Variants in APBB1IP observed in about 807,000 individuals in gnomAD.
The protein encoded by APBB1IP is amyloid beta precursor protein binding family B member 1 interacting protein.
A neutral mutation model predicts 64.9 loss-of-function variants in APBB1IP; 27 were observed. The ratio of observed to expected loss-of-function variants is 0.42; its 90% CI spans 0.31 to 0.57. APBB1IP has a LOEUF of 0.57. Ranked by LOEUF, APBB1IP falls within the 20% of genes least tolerant of loss-of-function variation. APBB1IP has a pLI of 0.20. For synonymous variants in APBB1IP, 392 were observed against 331.0 expected, an observed-to-expected ratio of 1.18 and a Z score of -2.00; for missense variants, 812 against 845.5, an observed-to-expected ratio of 0.96 and a Z score of 0.49.
At position 26,567,269 on chromosome 10, in the gene APBB1IP, G is replaced by A. The variant is rs1180835055; in HGVS notation, c.1782G>A (p.Ala594=). The stretch of plus-strand genomic sequence containing the variant: ...CCCCGCCGTCGTACGCAGGGATCGC[G>A]GGCTCAGAGCTGCCCCCGCCGCCGC... ...PPPPPSYAGI[A]GSELPPPPPP... is the part of the protein sequence containing the mutation. Residue 594 remains alanine, a synonymous_variant, in exon 15 of 15, where the codon GCG becomes GCA. Transcript: ENST00000376236. 10 of 1,256,772 alleles carry A rather than the reference G, an allele frequency of 8.0e-6. No individual in the cohort carries two copies. Among genetic ancestry groups the A allele is most frequent in the Non-Finnish European group, 9.0e-6 (9 of 998,014 alleles). 77.9% of individuals were successfully genotyped at this position (1,256,772 alleles called of 1,614,324 possible). A position where few individuals can be genotyped will look rare whatever the true frequency, so the allele number is the denominator to read the frequency against.
At chr10:26,487,890 TA>T (rs1835911252) in intron 2 of APBB1IP, among the ~76,000 whole-genome samples, 1 of 152,234 alleles carries the variant, frequency 6.6e-6, no homozygotes, top group South Asian at 2.1e-4. Context: ...CCTATAAGCT[TA>T]TTGTAATGCT....
chr10:26,538,946 A>G (rs1363412871), intron 10 of APBB1IP, among the ~76,000 whole-genome samples: 1 of 152,242 alleles, frequency 6.6e-6, no homozygotes, highest in African/African-American at 2.4e-5. Flanking sequence ...GAGAAGTTAA[A>G]GTTGGAATTT....
intron 8 of APBB1IP, among the ~76,000 whole-genome samples, chr10:26,524,471 T>C (rs768049730): frequency 1.3e-5 from 2 of 152,148 alleles, no homozygotes; most frequent in Non-Finnish European, 2.9e-5. Flanking sequence ...ATACGAGTGA[T>C]TGAGCTCAAA....
chr10:26,475,469 G>A (rs924351285), intron 2 of APBB1IP, among the ~76,000 whole-genome samples: 16 of 152,142 alleles, frequency 1.1e-4, no homozygotes, highest in African/African-American at 3.9e-4. Context: ...CAGATGTGCT[G>A]TGTGTGTCTA....
chr10:26,554,247 T>A (rs1836867169), intron 11 of APBB1IP, among the ~76,000 whole-genome samples: 2 of 152,220 alleles, frequency 1.3e-5, no homozygotes, highest in South Asian at 2.1e-4. Context: ...GGTAACTAGA[T>A]AACTTCACAG....
At chr10:26,446,890 A>AT (rs1491204826) in intron 2 of APBB1IP, among the ~76,000 whole-genome samples, 3,385 of 137,474 alleles carry the variant, frequency 0.025, 92 homozygotes, top group Admixed American at 0.081. Context: ...AGATAGATAG[A>AT]AATAGATAGA....
chr10:26,463,605 A>T (rs1243005512), intron 2 of APBB1IP, among the ~76,000 whole-genome samples: 1 of 152,032 alleles, frequency 6.6e-6, no homozygotes, highest in African/African-American at 2.4e-5. Context: ...TTGGCTCAAG[A>T]CCCACCTTTG....
At chr10:26,549,931 A>G (rs1454769532) in intron 11 of APBB1IP, among the ~76,000 whole-genome samples, 1 of 151,618 alleles carries the variant, frequency 6.6e-6, no homozygotes, top group East Asian at 1.9e-4. Context: ...CTTGAGATGC[A>G]TCATTAGATT....
At chr10:26,468,264 T>G (rs1835671110) in intron 2 of APBB1IP, among the ~76,000 whole-genome samples, 1 of 152,262 alleles carries the variant, frequency 6.6e-6, no homozygotes, top group Non-Finnish European at 1.5e-5. Context: ...ATTATTTTAT[T>G]TATTCCTTTT....
chr10:26,512,570 A>G (rs1373705847), intron 7 of APBB1IP, among the ~76,000 whole-genome samples: 3 of 152,148 alleles, frequency 2.0e-5, no homozygotes, highest in African/African-American at 7.2e-5. Context: ...AAAAGTGGAA[A>G]AAAAGGTTAA....
intron 2 of APBB1IP, among the ~76,000 whole-genome samples, chr10:26,475,124 C>CT (rs757288624): frequency 0.012 from 1,638 of 138,124 alleles, 24 homozygotes; most frequent in African/African-American, 0.031. Flanking sequence ...TTTTTCTTTT[C>CT]TTTTTTTTTT....
In APBB1IP at chr10:26,567,626, G is replaced by A; in HGVS notation, c.*138G>A. On this transcript the variant is annotated 3_prime_UTR_variant, in exon 15 of 15. Transcript: ENST00000376236. ...CTTCTCACTGATGTGCTCAAGTACA[G>A]GCATAACCATTAACCCAGTAGAGTT... The A allele has an allele frequency of 7.0e-7, 1 of 1,425,486 alleles. No homozygotes were observed. Among genetic ancestry groups the A allele is most frequent in the South Asian group, 1.2e-5 (1 of 82,428 alleles). The allele number at this position is 1,425,486 out of a possible 1,614,324, so 88.3% of individuals were successfully genotyped here.
At chr10:26,501,213 G>T (rs559619733) in intron 5 of APBB1IP, 102 bp downstream of exon 5, 2 of 1,519,270 alleles carry the variant, frequency 1.3e-6, no homozygotes, top group East Asian at 2.3e-5. Flanking sequence ...TACATCCAAA[G>T]ATCTGAGATA....
intron 10 of APBB1IP, among the ~76,000 whole-genome samples, chr10:26,537,811 G>C (rs973440221): frequency 6.6e-6 from 1 of 151,802 alleles, no homozygotes; most frequent in Non-Finnish European, 1.5e-5. Context: ...GTGCACACTT[G>C]TAATCCCAGT....
chr10:26,552,480 T>C (rs1193266054), intron 11 of APBB1IP, among the ~76,000 whole-genome samples: 1 of 151,962 alleles, frequency 6.6e-6, no homozygotes, highest in Non-Finnish European at 1.5e-5. Context: ...ACACCTGTAG[T>C]CCCAGCTACT....
Position 26,567,702 on chromosome 10 carries a change from T to G in APBB1IP, c.*214T>G. On this transcript the variant is annotated 3_prime_UTR_variant, in exon 15 of 15. Coordinates refer to ENST00000376236, the MANE Select transcript of APBB1IP (RefSeq NM_019043.4). ...TCGTTCCCATGTATTTTAACCTAAA[T>G]GGAATGTATCTTCCCTTCCAAGCTG... is the stretch of plus-strand genomic sequence containing the variant. The G allele has an allele frequency of 1.7e-6, 2 of 1,188,328 alleles. No individual in the cohort carries two copies. Among genetic ancestry groups the G allele is most frequent in the Non-Finnish European group, 2.2e-6 (2 of 918,854 alleles). 73.6% of individuals were successfully genotyped at this position (1,188,328 alleles called of 1,614,324 possible). A position where few individuals can be genotyped will look rare whatever the true frequency, so the allele number is the denominator to read the frequency against.
At chr10:26,439,230 GAGCCCCAGTCTCCCGGA>G (rs1835313412) in intron 2 of APBB1IP, among the ~76,000 whole-genome samples, 1 of 152,088 alleles carries the variant, frequency 6.6e-6, no homozygotes, top group Non-Finnish European at 1.5e-5. Context: ...GCAGGTCCGG[GAGCCCCAGTCTCCCGGA>G]ACCTGGAGGG....
chr10:26,516,672 T>C (rs1451352556), intron 8 of APBB1IP, among the ~76,000 whole-genome samples: 1 of 151,476 alleles, frequency 6.6e-6, no homozygotes, highest in Non-Finnish European at 1.5e-5. Context: ...CCTCTCGCAC[T>C]CAGTAAGTTG....
intron 8 of APBB1IP, among the ~76,000 whole-genome samples, chr10:26,518,019 A>G (rs186108759): frequency 5.9e-4 from 90 of 152,204 alleles, no homozygotes; most frequent in African/African-American, 1.7e-3. Context: ...CAGTGGTGCA[A>G]TCTAGGCTCA....
Sources: allele counts gnomAD v4.1 joint callset (sites outside exome capture counted in the v4.1 genomes callset), GRCh38; gene constraint gnomAD v4.1.1; transcripts MANE v1.5; gene names NCBI Gene and HGNC (gene_info 2026-07-23, HGNC 2026-07-21).